The following FAT4 variants were observed in gnomAD, a reference collection of about 807,000 sequenced individuals.
The protein encoded by FAT4 is protocadherin Fat 4.
FAT4 carries 84 observed loss-of-function variants against 303.9 expected under a neutral mutation model. That is an observed-to-expected ratio of 0.28 (90% CI 0.23 to 0.33). The LOEUF (loss-of-function observed/expected upper bound fraction) is 0.33. FAT4 is among the 10% of genes least tolerant of loss of function. The pLI is 1.00. For synonymous variants in FAT4, 2,307 were observed against 2,298.8 expected, an observed-to-expected ratio of 1.00 and a Z score of -0.10; for missense variants, 6,005 against 6,146.8, an observed-to-expected ratio of 0.98 and a Z score of 0.77.
At chr4:125,436,565 G>A (rs1246448071) in intron 8 of FAT4, among the ~76,000 whole-genome samples, 1 of 152,090 alleles carries the variant, frequency 6.6e-6, no homozygotes, top group African/African-American at 2.4e-5. Flanking sequence ...TGCTAATAAA[G>A]ACATACCTGA....
rs372756130 is a variant in FAT4, at chr4:125,440,610, T to TGTGTGTGAGAGAGAGAGAGA, written c.7200-5682_7200-5681insTGTGTGAGAGAGAGAGAGAG. ...GTGTGTGTGTGTGTGTGTGTGTGTG[T>TGTGTGTGAGAGAGAGAGAGA]GAGAGAGAGAGAGAGAGAGAGAGAG... On this transcript the variant is annotated intron_variant, in intron 8 of 17. Coordinates refer to ENST00000394329, the MANE Select transcript of FAT4 (RefSeq NM_001291303.3). Among the ~76,000 whole-genome samples the TGTGTGTGAGAGAGAGAGAGA allele has an allele frequency of 1.1e-3, 84 of 75,750 alleles. 1 individual carries two copies. The highest frequency in any genetic ancestry group is 3.2e-3 in the African/African-American group (56 of 17,266). The allele number at this position is 75,750 out of a possible 152,430, so 49.7% of individuals were successfully genotyped here.
intron 2 of FAT4, among the ~76,000 whole-genome samples, chr4:125,360,638 G>C (rs1382164001): frequency 1.3e-5 from 2 of 152,112 alleles, no homozygotes; most frequent in African/African-American, 4.8e-5. Flanking sequence ...GACCAGCAAA[G>C]CCATAATTAC....
chr4:125,355,062 A>T (rs545762216), intron 2 of FAT4, among the ~76,000 whole-genome samples: 1 of 152,020 alleles, frequency 6.6e-6, no homozygotes, highest in South Asian at 2.1e-4. Flanking sequence ...AAATGTTAGT[A>T]CTTTACTTTT....
intron 2 of FAT4, among the ~76,000 whole-genome samples, chr4:125,393,594 TA>T (rs559302801): frequency 1.1e-3 from 168 of 151,924 alleles, no homozygotes; most frequent in African/African-American, 3.2e-3. Flanking sequence ...CTGCATATTA[TA>T]AAAAAAAGAG....
At chr4:125,338,533 A>G (rs1392271346) in intron 2 of FAT4, among the ~76,000 whole-genome samples, 1 of 152,206 alleles carries the variant, frequency 6.6e-6, no homozygotes, top group Non-Finnish European at 1.5e-5. Flanking sequence ...TTCAAAGGTA[A>G]GCAGTTACCT....
At chr4:125,432,615 CA>C (rs35500400) in intron 7 of FAT4, among the ~76,000 whole-genome samples, 23,387 of 151,922 alleles carry the variant, frequency 0.15, 2,158 homozygotes, top group East Asian at 0.39. Flanking sequence ...AAGGCATTTA[CA>C]TTTTTTTTTA....
At chr4:125,350,737 T>A (rs1262040522) in intron 2 of FAT4, among the ~76,000 whole-genome samples, 4 of 151,700 alleles carry the variant, frequency 2.6e-5, no homozygotes, top group Non-Finnish European at 5.9e-5. Flanking sequence ...AGAGCAAGTT[T>A]ACAAAGTTCC....
At chr4:125,412,072 A>G (rs1734870289) in intron 5 of FAT4, among the ~76,000 whole-genome samples, 1 of 151,798 alleles carries the variant, frequency 6.6e-6, no homozygotes, top group African/African-American at 2.4e-5. Context: ...TGTAAAAATA[A>G]TAATTTTACA....
chr4:125,431,963 A>T (rs1178148316), intron 7 of FAT4, among the ~76,000 whole-genome samples: 5 of 152,218 alleles, frequency 3.3e-5, no homozygotes, highest in African/African-American at 1.2e-4. Context: ...AATTTAAGCC[A>T]AACATTGGTA....
chr4:125,475,035 C>A (rs1311212564), intron 12 of FAT4, among the ~76,000 whole-genome samples: 1 of 151,980 alleles, frequency 6.6e-6, no homozygotes, highest in African/African-American at 2.4e-5. Context: ...TTTGGATTAA[C>A]CCTGTCTGTG....
Position 125,477,296 on chromosome 4 carries a change from A to G in FAT4, c.12441A>G (p.Glu4147=), listed in dbSNP as rs1727062501. The change falls in exon 14 of 18, where the codon GAA becomes GAG. Residue 4147 remains glutamate, a synonymous_variant. Transcript: ENST00000394329. The part of the protein sequence containing the change: ...MEFAVNGRPL[E]PSQALAAQGI... ...TTGCAGTCAATGGAAGGCCTCTGGA[A>G]CCCAGCCAAGCTTTGGCAGCACAAG... 1.3e-6 allele frequency: 2 copies of G among 1,585,896 alleles called. No homozygotes were observed. The highest frequency in any genetic ancestry group is 1.4e-5 in the African/African-American group (1 of 71,012).
rs749229531 is a variant in FAT4 at position 125,320,249 on chromosome 4, G to T, written c.3838G>T (p.Ala1280Ser). 1 of 1,614,128 alleles carries T rather than the reference G, an allele frequency of 6.2e-7. No homozygotes were observed. The highest frequency in any genetic ancestry group is 1.1e-5 in the South Asian group (1 of 91,084). ...CAAATTAGACTATGAAGCAACACCT[G>T]CCTATTCCCTTGTAATTCAAGCAGT... ...IGKLDYEATPAYSLVIQAVDS... is the reference protein window; with the variant it reads ...IGKLDYEATPSYSLVIQAVDS... The change falls in exon 2 of 18, where the codon GCC (alanine) becomes TCC (serine). Residue 1280 changes from alanine (A) to serine (S), a missense_variant. By Grantham distance (99) the Ala-to-Ser change is moderately conservative. Coordinates refer to ENST00000394329, the MANE Select transcript of FAT4 (RefSeq NM_001291303.3).
intron 2 of FAT4, among the ~76,000 whole-genome samples, chr4:125,347,859 C>T (rs1213188355): frequency 6.6e-6 from 1 of 151,782 alleles, no homozygotes; most frequent in Non-Finnish European, 1.5e-5. Flanking sequence ...GAATATATTA[C>T]TAATTCACTT....
intron 2 of FAT4, among the ~76,000 whole-genome samples, 162 bp from the exon 3 acceptor site, chr4:125,398,622 C>G (rs1374570824): frequency 6.6e-6 from 1 of 152,110 alleles, no homozygotes; most frequent in Non-Finnish European, 1.5e-5. Flanking sequence ...GTAAAGATTT[C>G]ACAACTTTTC....
Position 125,316,891 on chromosome 4 carries a change from C to A in FAT4, c.480C>A (p.Thr160=), listed in dbSNP as rs752608606. 2 of 1,614,022 alleles carry A rather than the reference C, an allele frequency of 1.2e-6. No homozygotes were observed. The highest frequency in any genetic ancestry group is 1.1e-5 in the South Asian group (1 of 91,082). The stretch of plus-strand genomic sequence containing the variant: ...GCCAAGTCATCTTAGACACCGCCAC[C>A]GACTCGGACATCGGCTCAAACGGTG... ...SGRQVILDTA[T]DSDIGSNGVD... Residue 160 remains threonine (T), a synonymous_variant, in exon 2 of 18, where the codon ACC becomes ACA. Transcript: ENST00000394329. This position sits in a 1 kb window ranked among gnomAD's most constrained non-coding sequence, Gnocchi z 5.7.
At chr4:125,446,630 C>G (rs1022669725) in intron 9 of FAT4, 87 bp downstream of exon 9, 1 of 1,299,252 alleles carries the variant, frequency 7.7e-7, no homozygotes, top group Admixed American at 2.5e-5. Context: ...ATTTTACATA[C>G]ATATTTCTGA....
chr4:125,331,129 C>T (rs550840087), intron 2 of FAT4, among the ~76,000 whole-genome samples: 184 of 152,182 alleles, frequency 1.2e-3, no homozygotes, highest in African/African-American at 4.0e-3. Context: ...TATCATCACC[C>T]GACATAACAC....
intron 8 of FAT4, among the ~76,000 whole-genome samples, chr4:125,434,670 G>A (rs1397150656): frequency 6.6e-6 from 1 of 151,858 alleles, no homozygotes; most frequent in African/African-American, 2.4e-5. Context: ...ATGGTTTTGT[G>A]GTTTGGGACT....
At chr4:125,381,714 G>A (rs1348962242) in intron 2 of FAT4, among the ~76,000 whole-genome samples, 1 of 152,026 alleles carries the variant, frequency 6.6e-6, no homozygotes, top group Non-Finnish European at 1.5e-5. Flanking sequence ...TGAAGTTTGC[G>A]GCTTTGATTG....
Sources: gnomAD v4.1 joint callset for allele counts (sites outside exome capture counted in the v4.1 genomes callset) on GRCh38, gnomAD v4.1.1 for gene constraint, Gnocchi (gnomAD v3.1) non-coding constraint, MANE v1.5 for transcripts, NCBI Gene and HGNC (gene_info 2026-07-23, HGNC 2026-07-21) for gene names.